MTTP: variants seen among roughly 807,000 people sequenced by gnomAD.
MTTP encodes microsomal triglyceride transfer protein large subunit.
MTTP carries 49 observed loss-of-function variants against 90.6 expected under a neutral mutation model. The observed-to-expected ratio is 0.54, with a 90% CI of 0.43 to 0.69. The LOEUF (loss-of-function observed/expected upper bound fraction) is 0.69, where lower values mean the gene tolerates loss of function less well. MTTP is among the 30% of genes least tolerant of loss of function. The probability of loss-of-function intolerance (pLI) is 0.00; values close to 1 mark genes in which losing one functional copy is unlikely to be tolerated. For synonymous variants in MTTP, 347 were observed against 384.2 expected, an observed-to-expected ratio of 0.90 and a Z score of 1.13; for missense variants, 945 against 1,067.5, an observed-to-expected ratio of 0.89 and a Z score of 1.60.
Position 99,600,810 on chromosome 4 carries a change from T to C in MTTP, c.1236+77T>C, listed in dbSNP as rs1725678105. On this transcript the variant is annotated intron_variant, in intron 9 of 17. Coordinates refer to ENST00000265517, the MANE Select transcript of MTTP (RefSeq NM_001386140.1). Reference sequence around the variant, plus strand: ...ATATTAACAGTAATTAAAAGTTTCTTAGATCTGAATGAAGGCTATCAACTA... The same window carrying C: ...ATATTAACAGTAATTAAAAGTTTCTCAGATCTGAATGAAGGCTATCAACTA... The C allele has an allele frequency of 4.2e-6, 6 of 1,426,708 alleles. No individual in the cohort carries two copies. The African/African-American group carries it at 4.3e-5, about 10-fold the overall frequency. The allele number at this position is 1,426,708 out of a possible 1,614,324, so 88.4% of individuals were successfully genotyped here.
Position 99,608,991 on chromosome 4 carries a change from C to A in MTTP, c.1769+14C>A, listed in dbSNP as rs41275713. On this transcript the variant is annotated intron_variant, in intron 12 of 17. Transcript: ENST00000265517. ...AATGCCTGCAAGGTATAATACATTG[C>A]ACATGTCTCTCTGTGTATTCAAGCT... 6.2e-7 allele frequency: 1 copy of A among 1,601,424 alleles called. No individual in the cohort carries two copies. Among genetic ancestry groups the A allele is most frequent in the Non-Finnish European group, 8.6e-7 (1 of 1,168,636 alleles).
rs1314052421 is a variant in MTTP at position 99,588,968 on chromosome 4, CATAT to C, written c.394-669_394-666del. 2.3e-3 allele frequency among the ~76,000 whole-genome samples: 151 copies of C among 66,742 alleles called. 8 individuals carry two copies. The highest frequency in any genetic ancestry group is 3.5e-3 in the Non-Finnish European group (139 of 40,076). 43.8% of individuals were successfully genotyped at this position (66,742 alleles called of 152,430 possible). A position where few individuals can be genotyped will look rare whatever the true frequency, so the allele number is the denominator to read the frequency against. On this transcript the variant is annotated intron_variant, in intron 3 of 17. Coordinates refer to ENST00000265517, the MANE Select transcript of MTTP (RefSeq NM_001386140.1). ...ATATATATACACACATATATATGTT[CATAT>C]ATATACACACATATATATATGTTCA... is the stretch of plus-strand genomic sequence containing the variant.
Position 99,574,919 on chromosome 4 carries a change from C to T in MTTP, c.10C>T (p.Leu4Phe). 2 of 1,614,188 alleles carry T rather than the reference C, an allele frequency of 1.2e-6. No individual in the cohort carries two copies. The highest frequency in any genetic ancestry group is 1.7e-6 in the Non-Finnish European group (2 of 1,180,018). The change falls in exon 1 of 18, where the codon CTT becomes TTT. Residue 4 changes from leucine (L) to phenylalanine (F), a missense_variant. Physicochemically the swap from Leu to Phe is conservative, Grantham distance 22 (BLOSUM62 0). Transcript: ENST00000265517. MIL[L>F]AVLFLCFISS... ...AGGATTGCTGGTCAATATGATTCTT[C>T]TTGCTGTGCTTTTTCTCTGCTTCAT...
chr4:99,572,747 C>T (rs1266698305), upstream of MTTP, among the ~76,000 whole-genome samples: 1 of 151,936 alleles, frequency 6.6e-6, no homozygotes, highest in African/African-American at 2.4e-5. Flanking sequence ...GGACGATCAA[C>T]AGTAACAGAA....
intron 10 of MTTP, among the ~76,000 whole-genome samples, chr4:99,606,067 A>C (rs1725810398): frequency 6.6e-6 from 1 of 152,178 alleles, no homozygotes; most frequent in Non-Finnish European, 1.5e-5. Context: ...ATGTAGTGGC[A>C]AATATAAGAC....
chr4:99,567,363 G>A (rs1724727212), intron 1 of MTTP, among the ~76,000 whole-genome samples: 1 of 152,124 alleles, frequency 6.6e-6, no homozygotes, highest in Non-Finnish European at 1.5e-5. Context: ...CTCAAAATAT[G>A]AACAGGAAGG....
chr4:99,601,753 C>T (rs1318765974), intron 10 of MTTP, 39 bp downstream of exon 10: 4 of 1,434,508 alleles, frequency 2.8e-6, no homozygotes, highest in African/African-American at 1.4e-5. Context: ...CATCATTCTA[C>T]ACCATTGTCC....
chr4:99,611,433 G>C lies in MTTP; in HGVS notation c.1969G>C (p.Ala657Pro). The change falls in exon 14 of 18, where the codon GCT (alanine) becomes CCT (proline). Residue 657 changes from alanine (A) to proline (P), a missense_variant. Physicochemically the swap from Ala to Pro is conservative, Grantham distance 27. Transcript: ENST00000265517. ...NLNIFQYIGK[A>P]GLHGSQVVIE... ...GAACATCTTTCAGTACATTGGGAAGGCTGGTCTTCACGGTAGCCAGGTAAC... is the reference window on the plus strand; with the variant it reads ...GAACATCTTTCAGTACATTGGGAAGCCTGGTCTTCACGGTAGCCAGGTAAC... The C allele has an allele frequency of 6.2e-7, 1 of 1,614,084 alleles. No homozygotes were observed. Among genetic ancestry groups the C allele is most frequent in the Non-Finnish European group, 8.5e-7 (1 of 1,179,962 alleles).
chr4:99,564,238 G>T lies in MTTP; in HGVS notation c.-102+1G>T. ...GACGTGTATTCATTCATATATTCTT[G>T]TGAGTATTGGATGAAGGAATTAAGA... On this transcript the variant is annotated splice_donor_variant, in intron 1 of 18. Transcript: ENST00000457717. LOFTEE classifies it low-confidence loss of function (5UTR_SPLICE). 2 of 1,535,510 alleles carry T rather than the reference G, an allele frequency of 1.3e-6. No homozygotes were observed. The highest frequency in any genetic ancestry group is 2.4e-5 in the East Asian group (1 of 40,914).
chr4:99,579,063 T>C (rs1725034798), intron 1 of MTTP, among the ~76,000 whole-genome samples: 1 of 152,208 alleles, frequency 6.6e-6, no homozygotes, highest in African/African-American at 2.4e-5. Flanking sequence ...TTCAAGGTTT[T>C]TCCTGACTCT....
At chr4:99,574,698 C>A, upstream of MTTP, 3 of 1,098,570 alleles carry the variant, frequency 2.7e-6, no homozygotes, top group Non-Finnish European at 4.0e-6. Flanking sequence ...AGACTGAAAA[C>A]TGCAGCCCAC....
chr4:99,598,788 C>T (rs958753984), intron 8 of MTTP, among the ~76,000 whole-genome samples: 2 of 151,470 alleles, frequency 1.3e-5, no homozygotes, highest in African/African-American at 2.4e-5. Context: ...CTCAGCCTCC[C>T]GAATAGCTGG....
In MTTP at chr4:99,622,623, A is replaced by G; in HGVS notation, c.2514-54A>G. On this transcript the variant is annotated intron_variant, in intron 17 of 17. Coordinates refer to ENST00000265517, the MANE Select transcript of MTTP (RefSeq NM_001386140.1). ...CATTCAGTAACTTGGCTGGAGAGGT[A>G]TAGGGTGACTTAACTGTGTGTGTAA... 7 of 1,576,270 alleles carry G rather than the reference A, an allele frequency of 4.4e-6. No homozygotes were observed. The South Asian group carries it at 6.7e-5, about 15-fold the overall frequency.
At chr4:99,564,156 G>C in exon 1 of MTTP, 2 of 1,535,636 alleles carry the variant, frequency 1.3e-6, no homozygotes, top group Non-Finnish European at 1.7e-6. Flanking sequence ...TTGGGAGTGG[G>C]AGGTAGTTAC....
chr4:99,582,947 CATT>C (rs1261147470), intron 2 of MTTP, among the ~76,000 whole-genome samples: 1 of 152,118 alleles, frequency 6.6e-6, no homozygotes, highest in Non-Finnish European at 1.5e-5. Context: ...CTCCAGAAAA[CATT>C]ATATTCCTCC....
rs1365119275 is a variant in MTTP, at chr4:99,600,678, T to C, written c.1181T>C (p.Leu394Pro). 1 of 1,613,786 alleles carries C rather than the reference T, an allele frequency of 6.2e-7. No individual in the cohort carries two copies. Among genetic ancestry groups the C allele is most frequent in the Non-Finnish European group, 8.5e-7 (1 of 1,179,852 alleles). ...DSSIILQERFLYACGFASHPN... is the reference protein window; with the variant it reads ...DSSIILQERFPYACGFASHPN... ...AGCATTATCCTCCAGGAGAGGTTTC[T>C]CTATGCCTGTGGATTTGCTTCTCAT... The change falls in exon 9 of 18, where the codon CTC becomes CCC. Residue 394 changes from leucine (L) to proline (P), a missense_variant. Leu to Pro is a moderately conservative substitution (Grantham distance 98). Transcript: ENST00000265517.
At chr4:99,573,268 A>C (rs1192330264), upstream of MTTP, among the ~76,000 whole-genome samples, 1 of 152,168 alleles carries the variant, frequency 6.6e-6, no homozygotes, top group African/African-American at 2.4e-5. Context: ...AGTGACTATA[A>C]TGATTTTATA....
intron 1 of MTTP, among the ~76,000 whole-genome samples, chr4:99,568,374 C>T (rs1315312588): frequency 6.6e-6 from 1 of 152,008 alleles, no homozygotes; most frequent in Non-Finnish European, 1.5e-5. Flanking sequence ...CAGTGCAGAA[C>T]TGGAACTTGA....
intron 16 of MTTP, among the ~76,000 whole-genome samples, chr4:99,620,515 G>C (rs1386709222): frequency 6.6e-6 from 1 of 152,160 alleles, no homozygotes; most frequent in Non-Finnish European, 1.5e-5. Flanking sequence ...ATGCCCCACT[G>C]TAAGAATGAT....
Sources: allele counts gnomAD v4.1 joint callset (sites outside exome capture counted in the v4.1 genomes callset), GRCh38; gene constraint gnomAD v4.1.1; transcripts MANE v1.5; gene names NCBI Gene and HGNC (gene_info 2026-07-23, HGNC 2026-07-21).